Variants in PRKN observed in about 807,000 individuals in gnomAD.
PRKN encodes the protein parkin RBR E3 ubiquitin protein ligase.
A neutral mutation model predicts 59.5 loss-of-function variants in PRKN; 56 were observed. The ratio of observed to expected loss-of-function variants is 0.94; its 90% CI spans 0.76 to 1.18. The LOEUF (loss-of-function observed/expected upper bound fraction) is 1.18. Among genes scored for constraint, PRKN ranks in the 50% most tolerant of loss-of-function variants. The pLI is 0.00. For synonymous variants in PRKN, 250 were observed against 222.1 expected (o/e 1.13, Z -1.12); for missense variants, 657 against 596.4 (o/e 1.10, Z -1.06).
intron 2 of PRKN, among the ~76,000 whole-genome samples, chr6:162,280,722 G>A (rs1306830207): frequency 7.0e-6 from 1 of 142,806 alleles, no homozygotes; most frequent in Admixed American, 7.8e-5. Flanking sequence ...ACTGAGACCT[G>A]GAAGGTAGAG....
At chr6:162,673,473 C>T (rs779996479) in intron 1 of PRKN, among the ~76,000 whole-genome samples, 13 of 152,186 alleles carry the variant, frequency 8.5e-5, no homozygotes, top group Non-Finnish European at 1.6e-4. Flanking sequence ...GCAACCTCCA[C>T]TTCCTGGGCT....
At chr6:162,590,498 G>C (rs1026479272) in intron 1 of PRKN, among the ~76,000 whole-genome samples, 3 of 152,130 alleles carry the variant, frequency 2.0e-5, no homozygotes, top group Non-Finnish European at 4.4e-5. Context: ...CAAGTGGCTA[G>C]TACAACATAT....
intron 4 of PRKN, among the ~76,000 whole-genome samples, chr6:162,096,626 A>G (rs144027591): frequency 2.8e-4 from 43 of 152,132 alleles, no homozygotes; most frequent in Non-Finnish European, 4.4e-4. Flanking sequence ...TAAGTCTCAC[A>G]CGATCTGATG....
At chr6:162,302,820 T>C (rs533111509) in intron 2 of PRKN, among the ~76,000 whole-genome samples, 1 of 152,230 alleles carries the variant, frequency 6.6e-6, no homozygotes, top group African/African-American at 2.4e-5. Flanking sequence ...CTAACATTAC[T>C]TGGTTACCCT....
intron 4 of PRKN, among the ~76,000 whole-genome samples, chr6:162,144,789 C>G (rs537308125): frequency 1.3e-5 from 2 of 152,200 alleles, no homozygotes; most frequent in Admixed American, 1.3e-4. Flanking sequence ...TGTAAAGCTT[C>G]GGCACAGTGG....
intron 1 of PRKN, among the ~76,000 whole-genome samples, chr6:162,594,465 T>C (rs1406550833): frequency 6.6e-6 from 1 of 152,206 alleles, no homozygotes; most frequent in African/African-American, 2.4e-5. Context: ...AGCCTTCCCC[T>C]TCCTCTTTTC....
chr6:161,692,647 C>A (rs537152047), intron 7 of PRKN, among the ~76,000 whole-genome samples: 2 of 152,322 alleles, frequency 1.3e-5, no homozygotes, highest in East Asian at 1.9e-4. Flanking sequence ...TGGCTTACGC[C>A]TGCAATCCCA....
intron 6 of PRKN, among the ~76,000 whole-genome samples, chr6:161,855,099 G>GA (rs1192856013): frequency 0.027 from 3,588 of 131,044 alleles, 138 homozygotes; most frequent in African/African-American, 0.094. Context: ...AAAAAAAAAA[G>GA]AAAAAAAAAA....
intron 1 of PRKN, among the ~76,000 whole-genome samples, chr6:162,501,513 A>ATTTTTTTTTT (rs201004163): frequency 7.9e-6 from 1 of 126,570 alleles, no homozygotes. Flanking sequence ...ACGCCTGGTT[A>ATTTTTTTTTT]ATTTTTTTTT....
At chr6:162,487,834 G>C (rs1029791080) in intron 1 of PRKN, among the ~76,000 whole-genome samples, 2 of 152,078 alleles carry the variant, frequency 1.3e-5, no homozygotes, top group Non-Finnish European at 2.9e-5. Context: ...CCAACACTTT[G>C]GGAGGCCAAG....
chr6:162,428,417 TCAA>T (rs1301863712), intron 2 of PRKN, among the ~76,000 whole-genome samples: 1 of 152,146 alleles, frequency 6.6e-6, no homozygotes, highest in African/African-American at 2.4e-5. Flanking sequence ...TGTTCTAACC[TCAA>T]CAACAGACAG....
intron 4 of PRKN, among the ~76,000 whole-genome samples, chr6:162,187,983 G>A (rs1172056313): frequency 6.6e-6 from 1 of 152,138 alleles, no homozygotes; most frequent in South Asian, 2.1e-4. Flanking sequence ...AGAGGTGCTT[G>A]AACTATGGGG....
At chr6:161,770,489 A>G (rs1340222671) in intron 7 of PRKN, among the ~76,000 whole-genome samples, 3 of 150,844 alleles carry the variant, frequency 2.0e-5, no homozygotes, top group Admixed American at 1.3e-4. Flanking sequence ...CATTTATGAG[A>G]CAGAGTTTCA....
intron 2 of PRKN, among the ~76,000 whole-genome samples, chr6:162,295,444 TG>T (rs1781627673): frequency 6.6e-6 from 1 of 152,196 alleles, no homozygotes; most frequent in Non-Finnish European, 1.5e-5. Flanking sequence ...CCCTGTGGTC[TG>T]ATACCACGTA....
Position 161,385,966 on chromosome 6 carries a change from T to C in PRKN, c.1167+828A>G, listed in dbSNP as rs1039730657. On this transcript the variant is annotated intron_variant, in intron 10 of 11. Coordinates refer to ENST00000366898, the MANE Select transcript of PRKN (RefSeq NM_004562.3). The surrounding 1 kb of genome is among the most constrained non-coding windows in gnomAD (Gnocchi z 4.9). Reference sequence around the variant, plus strand: ...GGATAAACTCATCTGCAGAATTCCATATAGGGATACACTTATTCATGCTCT... The same window carrying C: ...GGATAAACTCATCTGCAGAATTCCACATAGGGATACACTTATTCATGCTCT... Among the ~76,000 whole-genome samples the C allele has an allele frequency of 6.6e-6, 1 of 152,226 alleles. No homozygotes were observed. The highest frequency in any genetic ancestry group is 2.4e-5 in the African/African-American group (1 of 41,458).
At chr6:162,323,701 A>G (rs1783138773) in intron 2 of PRKN, among the ~76,000 whole-genome samples, 1 of 152,144 alleles carries the variant, frequency 6.6e-6, no homozygotes, top group Non-Finnish European at 1.5e-5. Context: ...CCACAATGAG[A>G]TACTACTACA....
Position 161,347,486 on chromosome 6 carries a change from A to G in PRKN, c.*2613T>C, listed in dbSNP as rs960287687. On this transcript the variant is annotated 3_prime_UTR_variant, in exon 12 of 12. Coordinates refer to ENST00000366898, the MANE Select transcript of PRKN (RefSeq NM_004562.3). Reference sequence around the variant, plus strand: ...GTCAGATAATCTCAACACACTTCAGAGAAAAACAGACTTTTTCTGCAAAGA... The same window carrying G: ...GTCAGATAATCTCAACACACTTCAGGGAAAAACAGACTTTTTCTGCAAAGA... The G allele has an allele frequency of 2.0e-5, 3 of 152,226 alleles. No individual in the cohort carries two copies. The highest frequency in any genetic ancestry group is 2.9e-5 in the Non-Finnish European group (2 of 68,048). 9.4% of individuals were successfully genotyped at this position (152,226 alleles called of 1,614,324 possible).
At chr6:162,304,245 T>C (rs776267095) in intron 2 of PRKN, among the ~76,000 whole-genome samples, 1 of 150,822 alleles carries the variant, frequency 6.6e-6, no homozygotes, top group Non-Finnish European at 1.5e-5. Context: ...ATGACTCGTC[T>C]AAATAGTCAG....
At chr6:161,776,287 T>G (rs930449920) in intron 7 of PRKN, among the ~76,000 whole-genome samples, 9 of 152,196 alleles carry the variant, frequency 5.9e-5, no homozygotes, top group Non-Finnish European at 1.2e-4. Context: ...ATTCCGAGCA[T>G]AGACTACTAG....
Sources: gnomAD v4.1 joint callset for allele counts (sites outside exome capture counted in the v4.1 genomes callset) on GRCh38, gnomAD v4.1.1 for gene constraint, Gnocchi (gnomAD v3.1) non-coding constraint, MANE v1.5 for transcripts, NCBI Gene and HGNC (gene_info 2026-07-23, HGNC 2026-07-21) for gene names.